SLC14A2: variants seen among roughly 807,000 people sequenced by gnomAD.
SLC14A2 encodes urea transporter 2.
SLC14A2 carries 91 observed loss-of-function variants against 104.6 expected under a neutral mutation model. The observed-to-expected ratio is 0.87, with a 90% confidence interval of 0.73 to 1.04. SLC14A2 has a LOEUF of 1.04. Ranked by LOEUF, SLC14A2 falls within the 50% of genes least tolerant of loss-of-function variation. SLC14A2 has a pLI of 0.00. For synonymous variants in SLC14A2, 476 were observed against 466.4 expected, an observed-to-expected ratio of 1.02 and a Z score of -0.27; for missense variants, 1,189 against 1,156.0, an observed-to-expected ratio of 1.03 and a Z score of -0.41.
chr18:45,529,046 C>T (rs1277012170), intron 2 of SLC14A2: 1 of 152,258 alleles, frequency 6.6e-6, no homozygotes, highest in African/African-American at 2.4e-5. Flanking sequence ...AATCAAGACA[C>T]CTTCCAGCCC....
intron 1 of SLC14A2, among the ~76,000 whole-genome samples, 175 bp from the exon 2 acceptor site, chr18:45,624,456 G>A (rs991910172): frequency 4.6e-5 from 7 of 152,112 alleles, no homozygotes; most frequent in African/African-American, 1.7e-4. Flanking sequence ...AGAATGGGAG[G>A]ATTTTGAAAG....
At chr18:45,557,519 C>A (rs1455099469) in intron 2 of SLC14A2, among the ~76,000 whole-genome samples, 1 of 152,238 alleles carries the variant, frequency 6.6e-6, no homozygotes, top group African/African-American at 2.4e-5. Context: ...TAGCCTCGAG[C>A]AGCTGGGTCT....
At chr18:45,533,255 G>A (rs531720954) in intron 2 of SLC14A2, among the ~76,000 whole-genome samples, 61 of 152,020 alleles carry the variant, frequency 4.0e-4, no homozygotes, top group Admixed American at 7.2e-4. Flanking sequence ...ATTGATTGGA[G>A]TAGTTTCAGA....
intron 15 of SLC14A2, among the ~76,000 whole-genome samples, chr18:45,668,939 A>G (rs1165101085): frequency 6.6e-6 from 1 of 152,226 alleles, no homozygotes; most frequent in Admixed American, 6.5e-5. Context: ...TTGAGAAAAC[A>G]CAGGGCACCC....
chr18:45,262,644 C>G (rs2084551458), intron 1 of SLC14A2, among the ~76,000 whole-genome samples: 1 of 152,164 alleles, frequency 6.6e-6, no homozygotes, highest in Non-Finnish European at 1.5e-5. Context: ...ATAAGATCCC[C>G]TTCCTGGTAA....
chr18:45,191,234 T>A, the SLC14A2 span, among the ~76,000 whole-genome samples: 1 of 152,164 alleles, frequency 6.6e-6, no homozygotes, highest in Middle Eastern at 3.2e-3. Flanking sequence ...TTCATCCCAA[T>A]TCCCCTCTGT....
intron 1 of SLC14A2, among the ~76,000 whole-genome samples, chr18:45,372,049 C>T (rs570253675): frequency 1.8e-4 from 28 of 152,296 alleles, no homozygotes; most frequent in Non-Finnish European, 4.1e-4. Flanking sequence ...CAGTGGCTCA[C>T]GCCTGTAACC....
intron 1 of SLC14A2, among the ~76,000 whole-genome samples, chr18:45,285,228 G>T (rs2084801611): frequency 6.6e-6 from 1 of 152,086 alleles, no homozygotes. Context: ...ATTTGAAGGG[G>T]TCTTGGAGAT....
chr18:45,363,233 C>T (rs989075210), intron 1 of SLC14A2, among the ~76,000 whole-genome samples: 1 of 152,152 alleles, frequency 6.6e-6, no homozygotes, highest in African/African-American at 2.4e-5. Context: ...TAATTAACCA[C>T]AGAAGCTGGA....
intron 2 of SLC14A2, among the ~76,000 whole-genome samples, chr18:45,508,496 T>A (rs138352898): frequency 2.4e-3 from 361 of 152,368 alleles, no homozygotes; most frequent in Non-Finnish European, 3.6e-3. Context: ...TCTGCCATGA[T>A]CGTGAGGCTT....
chr18:45,359,160 C>A (rs1347372180), intron 1 of SLC14A2, among the ~76,000 whole-genome samples: 1 of 152,178 alleles, frequency 6.6e-6, no homozygotes, highest in African/African-American at 2.4e-5. Flanking sequence ...TGGTTCCATC[C>A]GGGATTCTTC....
chr18:45,350,526 G>T (rs1438338636), intron 1 of SLC14A2, among the ~76,000 whole-genome samples: 1 of 152,104 alleles, frequency 6.6e-6, no homozygotes, highest in Non-Finnish European at 1.5e-5. Flanking sequence ...CCAAATATCT[G>T]GGCAACAATC....
At chr18:45,653,017 T>G (rs1304679830) in intron 10 of SLC14A2, among the ~76,000 whole-genome samples, 1 of 151,634 alleles carries the variant, frequency 6.6e-6, no homozygotes, top group Non-Finnish European at 1.5e-5. Flanking sequence ...GTAGCTGGAG[T>G]GAGCGCATCT....
intron 1 of SLC14A2, 54 bp from the exon 2 acceptor site, chr18:45,624,577 G>A: frequency 1.4e-6 from 2 of 1,403,040 alleles, no homozygotes; most frequent in Non-Finnish European, 1.9e-6. Flanking sequence ...CCTCAGCCAA[G>A]TCCCTCTGGG....
At chr18:45,637,976 A>C (rs994533259) in intron 6 of SLC14A2, among the ~76,000 whole-genome samples, 8 of 152,194 alleles carry the variant, frequency 5.3e-5, no homozygotes, top group African/African-American at 1.9e-4. Flanking sequence ...CACCAGGCTG[A>C]AATATAGATC....
intron 1 of SLC14A2, among the ~76,000 whole-genome samples, chr18:45,464,291 T>C (rs1311875671): frequency 6.6e-6 from 1 of 152,192 alleles, no homozygotes; most frequent in Non-Finnish European, 1.5e-5. Flanking sequence ...CTGAGATAAA[T>C]GGTTTGGATT....
At chr18:45,324,293 C>T (rs573866948) in intron 1 of SLC14A2, among the ~76,000 whole-genome samples, 157 of 152,288 alleles carry the variant, frequency 1.0e-3, no homozygotes, top group African/African-American at 3.5e-3. Context: ...CCACTGTTTC[C>T]TTGTACTTGT....
At chr18:45,447,155 G>A (rs2086784497) in intron 1 of SLC14A2, 1 of 152,224 alleles carries the variant, frequency 6.6e-6, no homozygotes, top group Admixed American at 6.5e-5. Flanking sequence ...GAGCTGCCCA[G>A]ACTCAAGGAG....
At chr18:45,210,769 T>G (rs2083954819), upstream of SLC14A2, among the ~76,000 whole-genome samples, 2 of 152,310 alleles carry the variant, frequency 1.3e-5, 1 homozygote, top group South Asian at 4.1e-4. Context: ...TTTCTGAGCC[T>G]GGTTTTCTCA....
Sources: gnomAD v4.1 joint callset for allele counts (sites outside exome capture counted in the v4.1 genomes callset) on GRCh38, gnomAD v4.1.1 for gene constraint, MANE v1.5 for transcripts, NCBI Gene and HGNC (gene_info 2026-07-23, HGNC 2026-07-21) for gene names.